RBFOX2: variants seen among roughly 807,000 people sequenced by gnomAD.
RBFOX2 encodes RNA binding protein fox-1 homolog 2.
In RBFOX2, 10 loss-of-function variants were observed where a neutral mutation model predicts 49.1. That is an observed-to-expected ratio of 0.20 (90% CI 0.13 to 0.35). The LOEUF (loss-of-function observed/expected upper bound fraction) is 0.35, where lower values mean the gene tolerates loss of function less well. Ranked by LOEUF, RBFOX2 falls within the 10% of genes least tolerant of loss-of-function variation. The probability of loss-of-function intolerance (pLI) is 1.00; values close to 1 mark genes in which losing one functional copy is unlikely to be tolerated. For synonymous variants in RBFOX2, 183 were observed against 187.4 expected (o/e 0.98, Z 0.19); for missense variants, 323 against 486.9 (o/e 0.66, Z 3.17).
intron 1 of RBFOX2, among the ~76,000 whole-genome samples, chr22:35,929,456 C>A (rs2052085365): frequency 6.6e-6 from 1 of 151,922 alleles, no homozygotes; most frequent in African/African-American, 2.4e-5. Context: ...TATCTACCAA[C>A]TGGTAAACAA....
chr22:35,956,888 A>G (rs923853633), intron 1 of RBFOX2, among the ~76,000 whole-genome samples: 3 of 152,228 alleles, frequency 2.0e-5, no homozygotes, highest in African/African-American at 7.2e-5. Context: ...AATTAGTAAT[A>G]GTAATAATTT....
At chr22:35,956,269 A>C (rs2055544149) in intron 1 of RBFOX2, among the ~76,000 whole-genome samples, 1 of 152,240 alleles carries the variant, frequency 6.6e-6, no homozygotes, top group Non-Finnish European at 1.5e-5. Context: ...AGGCCAGGAT[A>C]CAAGTTTTCC....
chr22:36,012,620 T>G (rs1360858064), intron 1 of RBFOX2, among the ~76,000 whole-genome samples: 2 of 152,104 alleles, frequency 1.3e-5, no homozygotes, highest in Admixed American at 1.3e-4. Context: ...ATAAATGTAA[T>G]TGTTGAGTAT....
chr22:35,793,958 C>T (rs367650363), intron 2 of RBFOX2, among the ~76,000 whole-genome samples: 7 of 152,068 alleles, frequency 4.6e-5, no homozygotes, highest in East Asian at 1.9e-4. Flanking sequence ...ATCAGTGTCA[C>T]GCTGTGAAAC....
At position 35,959,604 on chromosome 22, in the gene RBFOX2, G is replaced by A. The variant is rs1021250746; in HGVS notation, c.42+1959C>T. Reference sequence around the variant, plus strand: ...TCTGATTCAGTAGGTCTACAGTGGCGTCTGAGATTTCTGCATCTACCAGGA... The same window carrying A: ...TCTGATTCAGTAGGTCTACAGTGGCATCTGAGATTTCTGCATCTACCAGGA... On this transcript the variant is annotated intron_variant, in intron 1 of 5. Transcript: ENST00000408983. Among the ~76,000 whole-genome samples, 32 of 152,294 alleles carry A rather than the reference G, an allele frequency of 2.1e-4. No individual in the cohort carries two copies. In the East Asian group the frequency reaches 4.8e-3, roughly 23 times the overall value.
At chr22:35,873,044 A>C (rs577840113) in intron 1 of RBFOX2, among the ~76,000 whole-genome samples, 2 of 152,168 alleles carry the variant, frequency 1.3e-5, no homozygotes, top group Non-Finnish European at 2.9e-5. Flanking sequence ...TATCACCACC[A>C]TTATCTCAAT....
chr22:35,815,972 C>T (rs961644267), intron 1 of RBFOX2, among the ~76,000 whole-genome samples: 2 of 151,942 alleles, frequency 1.3e-5, no homozygotes, highest in African/African-American at 4.8e-5. Flanking sequence ...TGGCTTCTGC[C>T]CAGCTGTCTG....
intron 1 of RBFOX2, among the ~76,000 whole-genome samples, chr22:35,917,689 G>A (rs1301662551): frequency 1.3e-5 from 2 of 151,874 alleles, no homozygotes; most frequent in African/African-American, 4.8e-5. Context: ...GAGAAGGGGA[G>A]GCCAGAAGGG....
intron 1 of RBFOX2, among the ~76,000 whole-genome samples, chr22:35,977,660 A>C (rs1352714893): frequency 2.7e-5 from 4 of 149,292 alleles, no homozygotes; most frequent in Non-Finnish European, 5.9e-5. Context: ...ATTTGTCAAA[A>C]TTCATAGAAA....
At chr22:35,966,134 T>C (rs898473308), upstream of RBFOX2, among the ~76,000 whole-genome samples, 6 of 152,256 alleles carry the variant, frequency 3.9e-5, no homozygotes, top group African/African-American at 1.2e-4. Flanking sequence ...TTGCACATTA[T>C]GCATTCTTTT....
chr22:35,825,422 A>G (rs1432040195), intron 1 of RBFOX2, among the ~76,000 whole-genome samples: 2 of 151,580 alleles, frequency 1.3e-5, no homozygotes, highest in African/African-American at 4.8e-5. Flanking sequence ...AATTTTGACT[A>G]AGTGAAAAAA....
At chr22:35,977,722 C>CTATATATATA (rs375088964) in intron 1 of RBFOX2, among the ~76,000 whole-genome samples, 64 of 80,866 alleles carry the variant, frequency 7.9e-4, no homozygotes, top group East Asian at 1.3e-3. Flanking sequence ...CCTGAATGAA[C>CTATATATATA]TATATATATA....
intron 1 of RBFOX2, among the ~76,000 whole-genome samples, chr22:35,930,764 A>G (rs557608487): frequency 6.6e-6 from 1 of 152,288 alleles, no homozygotes; most frequent in Non-Finnish European, 1.5e-5. Context: ...CAGGAGGCGG[A>G]GGTTGCAGTA....
chr22:35,998,937 A>G (rs2058299316), intron 1 of RBFOX2: 1 of 152,790 alleles, frequency 6.5e-6, no homozygotes, highest in Admixed American at 6.5e-5. Flanking sequence ...GATGACCACA[A>G]TAACTTCCTT....
intron 1 of RBFOX2, among the ~76,000 whole-genome samples, chr22:35,817,502 A>G (rs1417764270): frequency 6.6e-6 from 1 of 151,898 alleles, no homozygotes; most frequent in Non-Finnish European, 1.5e-5. Context: ...ATAAATAAAT[A>G]AATAAATAAA....
chr22:35,965,861 T>C (rs1446830347), upstream of RBFOX2, among the ~76,000 whole-genome samples: 2 of 152,122 alleles, frequency 1.3e-5, no homozygotes, highest in Admixed American at 6.6e-5. Context: ...AGAACGCAAG[T>C]AGAAGAAAGT....
intron 1 of RBFOX2, among the ~76,000 whole-genome samples, chr22:35,885,228 T>TGACCACCTACCCC (rs1353704932): frequency 1.6e-4 from 25 of 152,184 alleles, no homozygotes; most frequent in Admixed American, 1.6e-3. Flanking sequence ...ACACGTGCTC[T>TGACCACCTACCCC]GACCACCTAC....
chr22:35,855,724 A>G (rs1186815609), intron 1 of RBFOX2, among the ~76,000 whole-genome samples: 2 of 151,876 alleles, frequency 1.3e-5, no homozygotes, highest in African/African-American at 4.8e-5. Flanking sequence ...TCATTTTTCA[A>G]CATAAGTTTT....
chr22:35,958,866 A>G (rs1470019228), intron 1 of RBFOX2, among the ~76,000 whole-genome samples: 1 of 152,140 alleles, frequency 6.6e-6, no homozygotes, highest in African/African-American at 2.4e-5. Flanking sequence ...TATCAACTCA[A>G]TTACTCAAAT....
Sources: gnomAD v4.1 joint callset for allele counts (sites outside exome capture counted in the v4.1 genomes callset) on GRCh38, gnomAD v4.1.1 for gene constraint, MANE v1.5 for transcripts, NCBI Gene and HGNC (gene_info 2026-07-23, HGNC 2026-07-21) for gene names.